CEP128: variants seen among roughly 807,000 people sequenced by gnomAD.
CEP128 encodes the protein centrosomal protein 128, also known as centrosomal protein 128kDa.
A neutral mutation model predicts 156.7 loss-of-function variants in CEP128; 132 were observed. The ratio of observed to expected loss-of-function variants is 0.84; its 90% CI spans 0.73 to 0.97. The LOEUF (loss-of-function observed/expected upper bound fraction) is 0.97, where lower values mean the gene tolerates loss of function less well. Among genes scored for constraint, CEP128 ranks in the 50% least tolerant of loss-of-function variants. The pLI, the probability that CEP128 is intolerant of heterozygous loss-of-function variation, is 0.00. For missense variants in CEP128, 1,252 were observed against 1,281.9 expected (o/e 0.98, Z 0.36); for synonymous variants, 469 against 448.9 (o/e 1.04, Z -0.57).
chr14:80,738,800 CT>C (rs1332177139), intron 19 of CEP128, among the ~76,000 whole-genome samples: 1 of 152,142 alleles, frequency 6.6e-6, no homozygotes, highest in East Asian at 1.9e-4. Context: ...GGGATTGGTA[CT>C]ACCTGCAGTT....
At chr14:80,539,542 T>C (rs1194981829) in intron 21 of CEP128, among the ~76,000 whole-genome samples, 1 of 152,222 alleles carries the variant, frequency 6.6e-6, no homozygotes, top group Non-Finnish European at 1.5e-5. Context: ...AGGATGTACG[T>C]CACCACAGGA....
At chr14:80,925,295 A>G (rs1390503130) in intron 2 of CEP128, among the ~76,000 whole-genome samples, 1 of 152,106 alleles carries the variant, frequency 6.6e-6, no homozygotes, top group Non-Finnish European at 1.5e-5. Context: ...CCCCGCAAGA[A>G]CTCCAACATA....
intron 2 of CEP128, among the ~76,000 whole-genome samples, chr14:80,929,196 A>C (rs915903381): frequency 6.6e-6 from 1 of 152,210 alleles, no homozygotes; most frequent in Non-Finnish European, 1.5e-5. Context: ...CAGAATGGCC[A>C]TTATTAAAAT....
chr14:80,636,384 A>G (rs1894181536), intron 19 of CEP128, among the ~76,000 whole-genome samples: 1 of 152,230 alleles, frequency 6.6e-6, no homozygotes, highest in Admixed American at 6.5e-5. Flanking sequence ...CTATTTAGAT[A>G]GTCTAAAGAT....
chr14:80,694,517 T>G (rs1896822786), intron 19 of CEP128, among the ~76,000 whole-genome samples: 1 of 152,072 alleles, frequency 6.6e-6, no homozygotes, highest in Non-Finnish European at 1.5e-5. Context: ...CCATCAACGA[T>G]AGACTGGATA....
chr14:80,755,800 TCC>T (rs916486485), intron 18 of CEP128, among the ~76,000 whole-genome samples: 18 of 152,210 alleles, frequency 1.2e-4, no homozygotes, highest in African/African-American at 4.3e-4. Context: ...TAGATTCAAT[TCC>T]CCCTTAGTCA....
At chr14:80,488,041 G>A (rs1469455415), downstream of CEP128, among the ~76,000 whole-genome samples, 1 of 148,904 alleles carries the variant, frequency 6.7e-6, no homozygotes, top group Non-Finnish European at 1.5e-5. Flanking sequence ...CAGAACTGAA[G>A]GAAATAGAGA....
chr14:80,905,768 A>T, intron 5 of CEP128, 187 bp downstream of exon 5: 1 of 519,894 alleles, frequency 1.9e-6, no homozygotes, highest in South Asian at 2.7e-5. Context: ...AAAAAAAAAA[A>T]CAATATAACA....
At chr14:80,593,218 CTGTT>C (rs1218304990) in intron 19 of CEP128, among the ~76,000 whole-genome samples, 4 of 152,068 alleles carry the variant, frequency 2.6e-5, no homozygotes, top group African/African-American at 7.2e-5. Flanking sequence ...CAAATTGTCT[CTGTT>C]TGCAGATGAC....
At chr14:80,647,270 C>A (rs1050556231) in intron 19 of CEP128, among the ~76,000 whole-genome samples, 3 of 151,382 alleles carry the variant, frequency 2.0e-5, no homozygotes, top group Admixed American at 6.6e-5. Flanking sequence ...TGCTTTTTTT[C>A]TACCTTTTCA....
chr14:80,830,790 A>G, intron 13 of CEP128: 1 of 198,610 alleles, frequency 5.0e-6, no homozygotes, highest in South Asian at 9.4e-5. Context: ...TCACCCGCAA[A>G]ATAAATAATA....
At chr14:80,814,909 T>A (rs2139965478) in intron 13 of CEP128, among the ~76,000 whole-genome samples, 1 of 152,220 alleles carries the variant, frequency 6.6e-6, no homozygotes, top group South Asian at 2.1e-4. Context: ...ATACAAAAAA[T>A]TAGCCAGAAG....
intron 12 of CEP128, among the ~76,000 whole-genome samples, chr14:80,835,695 T>C (rs1419230568): frequency 6.6e-6 from 1 of 152,144 alleles, no homozygotes; most frequent in Non-Finnish European, 1.5e-5. Flanking sequence ...ACACAAAGTA[T>C]TCCTAAACCA....
upstream of CEP128, among the ~76,000 whole-genome samples, chr14:80,946,231 T>TA (rs1886339668): frequency 6.6e-6 from 1 of 152,076 alleles, no homozygotes; most frequent in South Asian, 2.1e-4. Context: ...TATGACATCC[T>TA]AAAAATGTTA....
chr14:80,742,949 C>G lies in CEP128; in HGVS notation c.2806+126G>C, dbSNP rs1898907210. Reference sequence around the variant, plus strand: ...ATGAAGAAAGATAAGAAGACAAAGACAAGAAAAGGAGATGGGCTTGGAAAT... The same window carrying G: ...ATGAAGAAAGATAAGAAGACAAAGAGAAGAAAAGGAGATGGGCTTGGAAAT... On this transcript the variant is annotated intron_variant, in intron 19 of 24. Transcript: ENST00000555265. 1.5e-5 allele frequency: 12 copies of G among 774,674 alleles called. No individual in the cohort carries two copies. In the South Asian group the frequency reaches 2.1e-4, roughly 14 times the overall value. 48.0% of individuals were successfully genotyped at this position (774,674 alleles called of 1,614,324 possible). A position where few individuals can be genotyped will look rare whatever the true frequency, so the allele number is the denominator to read the frequency against.
intron 19 of CEP128, among the ~76,000 whole-genome samples, chr14:80,604,952 C>T (rs1040858667): frequency 6.6e-6 from 1 of 152,060 alleles, no homozygotes; most frequent in African/African-American, 2.4e-5. Context: ...GCTACACAAA[C>T]CAGTCAGTAA....
At chr14:80,554,313 A>G (rs1243215797) in intron 21 of CEP128, among the ~76,000 whole-genome samples, 1 of 152,160 alleles carries the variant, frequency 6.6e-6, no homozygotes, top group Non-Finnish European at 1.5e-5. Flanking sequence ...CATGTTAATG[A>G]CTAAGGGTCT....
At position 80,785,211 on chromosome 14, in the gene CEP128, T is replaced by A; in HGVS notation, c.1895A>T (p.Glu632Val). ...SQAQDKAKLLEMQESIKDLSA... is the reference protein window; with the variant it reads ...SQAQDKAKLLVMQESIKDLSA... ...CAGGTCCTTGATGGACTCTTGCATCTCAAGAAGTTTAGCTTTGTCCTGGGC... is the reference window on the plus strand; with the variant it reads ...CAGGTCCTTGATGGACTCTTGCATCACAAGAAGTTTAGCTTTGTCCTGGGC... Residue 632 changes from glutamate (E) to valine (V), a missense_variant, in exon 15 of 25, where the codon GAG becomes GTG. Coordinates refer to ENST00000555265, the MANE Select transcript of CEP128 (RefSeq NM_152446.5). 1 of 1,614,204 alleles carries A rather than the reference T, an allele frequency of 6.2e-7. No homozygotes were observed.
At chr14:80,923,600 T>C (rs1241880910) in intron 2 of CEP128, among the ~76,000 whole-genome samples, 1 of 152,212 alleles carries the variant, frequency 6.6e-6, no homozygotes, top group African/African-American at 2.4e-5. Flanking sequence ...AGGTGATTGC[T>C]TCTGTGGCCT....
Sources: allele counts gnomAD v4.1 joint callset (sites outside exome capture counted in the v4.1 genomes callset), GRCh38; gene constraint gnomAD v4.1.1; transcripts MANE v1.5; gene names NCBI Gene and HGNC (gene_info 2026-07-23, HGNC 2026-07-21).